CSMD1: variants seen among roughly 807,000 people sequenced by gnomAD.
CSMD1 encodes CUB and sushi domain-containing protein 1.
Under a neutral mutation model 417.5 loss-of-function variants are expected in CSMD1, and 213 were observed. The observed-to-expected ratio is 0.51, with a 90% CI of 0.46 to 0.57. CSMD1 has a LOEUF of 0.57. Among genes scored for constraint, CSMD1 ranks in the 20% least tolerant of loss-of-function variants. CSMD1 has a pLI of 0.00. For synonymous variants in CSMD1, 2,862 were observed against 1,736.8 expected, an observed-to-expected ratio of 1.65 and a Z score of -16.11; for missense variants, 6,923 against 4,529.7, an observed-to-expected ratio of 1.53 and a Z score of -15.17.
chr8:3,140,738 AGTT>A (rs1243948938), intron 41 of CSMD1, among the ~76,000 whole-genome samples: 1 of 152,070 alleles, frequency 6.6e-6, no homozygotes, highest in Middle Eastern at 3.4e-3. Flanking sequence ...AAAAAAAAAA[AGTT>A]AGGCTCTAGA....
At chr8:3,810,874 C>A (rs76151699) in intron 5 of CSMD1, among the ~76,000 whole-genome samples, 1 of 152,142 alleles carries the variant, frequency 6.6e-6, no homozygotes, top group African/African-American at 2.4e-5. Context: ...CAGCTTTAAA[C>A]GCAGGCATTT....
Position 3,592,262 on chromosome 8 carries a change from T to C in CSMD1, c.1098-6002A>G, listed in dbSNP as rs530956682. Among the ~76,000 whole-genome samples the C allele has an allele frequency of 2.6e-5, 4 of 152,260 alleles. No homozygotes were observed. In the East Asian group the frequency reaches 7.7e-4, roughly 29 times the overall value. On this transcript the variant is annotated intron_variant, in intron 8 of 69. Coordinates refer to ENST00000635120, the MANE Select transcript of CSMD1 (RefSeq NM_033225.6). ...GGATAGATAGCTATAGAAAGACAGA[T>C]ATATATCTTTCTGTGTTAAAAAGTC...
intron 1 of CSMD1, among the ~76,000 whole-genome samples, chr8:4,861,804 T>G (rs1287182816): frequency 1.3e-5 from 2 of 152,046 alleles, no homozygotes; most frequent in African/African-American, 4.8e-5. Flanking sequence ...TTGCTCAAAA[T>G]TTATTAAAGA....
chr8:3,652,864 G>T (rs947558474), intron 7 of CSMD1, among the ~76,000 whole-genome samples: 2 of 151,946 alleles, frequency 1.3e-5, no homozygotes, highest in African/African-American at 4.8e-5. Flanking sequence ...TAGAACAGAG[G>T]GTGCACACAG....
intron 1 of CSMD1, among the ~76,000 whole-genome samples, chr8:4,640,015 G>C (rs7814842): frequency 0.029 from 4,455 of 152,220 alleles, 213 homozygotes; most frequent in African/African-American, 0.1. Context: ...AAAAAGGGAA[G>C]ACTTGATTAT....
intron 9 of CSMD1, among the ~76,000 whole-genome samples, chr8:3,584,072 C>A (rs965140646): frequency 2.6e-5 from 4 of 151,982 alleles, no homozygotes; most frequent in African/African-American, 7.3e-5. Context: ...TTATTTCAGA[C>A]AAAAAATTAA....
At chr8:3,673,423 T>G (rs1799189029) in intron 7 of CSMD1, among the ~76,000 whole-genome samples, 1 of 152,198 alleles carries the variant, frequency 6.6e-6, no homozygotes, top group South Asian at 2.1e-4. Flanking sequence ...TAGCATCAAC[T>G]CCCCTTGGTC....
chr8:3,687,457 A>C (rs1799998099), intron 7 of CSMD1, among the ~76,000 whole-genome samples: 1 of 152,224 alleles, frequency 6.6e-6, no homozygotes, highest in Admixed American at 6.5e-5. Context: ...CAGAGCCTTT[A>C]TTGAGAAAGC....
intron 2 of CSMD1, among the ~76,000 whole-genome samples, chr8:4,500,082 T>G (rs1802179725): frequency 2.2e-5 from 1 of 45,046 alleles, no homozygotes; most frequent in Admixed American, 2.9e-4. Context: ...TGAAGAGAAG[T>G]TATACTAGGT....
At chr8:4,098,113 G>A (rs1415263718) in intron 3 of CSMD1, among the ~76,000 whole-genome samples, 2 of 152,134 alleles carry the variant, frequency 1.3e-5, no homozygotes, top group East Asian at 1.9e-4. Flanking sequence ...GAATTAAGAT[G>A]ATCTTTCACT....
At chr8:3,301,497 G>C (rs1052272889) in intron 25 of CSMD1, among the ~76,000 whole-genome samples, 1 of 152,172 alleles carries the variant, frequency 6.6e-6, no homozygotes, top group African/African-American at 2.4e-5. Flanking sequence ...GAACAACACA[G>C]AATATTTCTG....
chr8:3,951,239 C>G (rs1811575350), intron 5 of CSMD1, among the ~76,000 whole-genome samples: 2 of 152,166 alleles, frequency 1.3e-5, no homozygotes, highest in South Asian at 2.1e-4. Context: ...GGGCACGGGT[C>G]TGACGGTGAC....
intron 10 of CSMD1, among the ~76,000 whole-genome samples, chr8:3,548,760 G>A (rs1047898436): frequency 6.6e-6 from 1 of 151,286 alleles, no homozygotes; most frequent in East Asian, 2.0e-4. Flanking sequence ...TAAAGAGTAA[G>A]CCCGGCCAAG....
intron 3 of CSMD1, among the ~76,000 whole-genome samples, chr8:4,088,818 A>G (rs1353776195): frequency 6.6e-6 from 1 of 151,828 alleles, no homozygotes; most frequent in African/African-American, 2.4e-5. Context: ...CAGCATGTGG[A>G]CTCATCCCTC....
intron 3 of CSMD1, among the ~76,000 whole-genome samples, chr8:4,399,747 C>T (rs1221287787): frequency 2.6e-5 from 4 of 152,128 alleles, no homozygotes; most frequent in Non-Finnish European, 5.9e-5. Flanking sequence ...TTGTTTTATA[C>T]ATCAGGCTCC....
intron 5 of CSMD1, among the ~76,000 whole-genome samples, chr8:3,889,366 T>G (rs1453251602): frequency 6.7e-6 from 1 of 149,778 alleles, no homozygotes; most frequent in Non-Finnish European, 1.5e-5. Flanking sequence ...ATTTTGCTTG[T>G]ATTTTTTAAA....
At chr8:4,447,313 C>T (rs906723715) in intron 2 of CSMD1, among the ~76,000 whole-genome samples, 1 of 152,112 alleles carries the variant, frequency 6.6e-6, no homozygotes, top group African/African-American at 2.4e-5. Context: ...ATTATTATTA[C>T]AATGAATTAT....
intron 49 of CSMD1, among the ~76,000 whole-genome samples, chr8:3,076,313 C>T (rs67273276): frequency 0.32 from 47,554 of 150,450 alleles, 8,330 homozygotes; most frequent in African/African-American, 0.46. Flanking sequence ...TGCAGGCTAA[C>T]TTCCTCTTTG....
rs1324366350 is a variant in CSMD1 at position 3,847,658 on chromosome 8, G to A, written c.819-93616C>T. On this transcript the variant is annotated intron_variant, in intron 5 of 69. Transcript: ENST00000635120. Reference sequence around the variant, plus strand: ...AAACACGGATGCACTGCCTTCAGCTGCTGCATTTCTGGTCATTTGCTACTC... The same window carrying A: ...AAACACGGATGCACTGCCTTCAGCTACTGCATTTCTGGTCATTTGCTACTC... Among the ~76,000 whole-genome samples, 3 of 152,028 alleles carry A rather than the reference G, an allele frequency of 2.0e-5. No homozygotes were observed. The East Asian group carries it at 5.8e-4, about 29-fold the overall frequency.
Sources: gnomAD v4.1 joint callset for allele counts (sites outside exome capture counted in the v4.1 genomes callset) on GRCh38, gnomAD v4.1.1 for gene constraint, MANE v1.5 for transcripts, NCBI Gene and HGNC (gene_info 2026-07-23, HGNC 2026-07-21) for gene names.